ATAD1: variants seen among roughly 807,000 people sequenced by gnomAD.
ATAD1 encodes outer mitochondrial transmembrane helix translocase.
ATAD1 carries 18 observed loss-of-function variants against 42.7 expected under a neutral mutation model. That is an observed-to-expected ratio of 0.42 (90% confidence interval 0.29 to 0.63). ATAD1 has a LOEUF of 0.63. ATAD1 is among the 20% of genes least tolerant of loss of function. The pLI is 0.19. For synonymous variants in ATAD1, 132 were observed against 143.1 expected (o/e 0.92, Z 0.55); for missense variants, 294 against 440.4 (o/e 0.67, Z 2.98).
intron 5 of ATAD1, among the ~76,000 whole-genome samples, chr10:87,784,143 T>G (rs1052248809): frequency 6.6e-6 from 1 of 152,080 alleles, no homozygotes; most frequent in African/African-American, 2.4e-5. Context: ...CCTAGTGAGG[T>G]TGAAGATAGA....
At chr10:87,791,619 T>C (rs1037918672) in intron 3 of ATAD1, among the ~76,000 whole-genome samples, 8 of 152,230 alleles carry the variant, frequency 5.3e-5, no homozygotes, top group African/African-American at 9.6e-5. Context: ...TGTCTCTGTA[T>C]ACACAGATAT....
intron 1 of ATAD1, among the ~76,000 whole-genome samples, chr10:87,817,064 A>C (rs887443231): frequency 6.6e-6 from 1 of 152,206 alleles, no homozygotes; most frequent in Non-Finnish European, 1.5e-5. Flanking sequence ...TTTTAATGTA[A>C]TAAAGACTTA....
Position 87,754,823 on chromosome 10 carries a change from A to T in ATAD1, c.966-16T>A, listed in dbSNP as rs1564735655. On this transcript the variant is annotated splice_polypyrimidine_tract_variant and intron_variant, in intron 9 of 9. Coordinates refer to ENST00000680024, the MANE Select transcript of ATAD1 (RefSeq NM_001321967.2). The stretch of plus-strand genomic sequence containing the variant: ...TTCGTCATGGCTAAAATGCAAACAA[A>T]ACCATCAAATACTCAAATAACTTTA... 1 of 1,608,456 alleles carries T rather than the reference A, an allele frequency of 6.2e-7. No homozygotes were observed. Among genetic ancestry groups the T allele is most frequent in the Admixed American group, 1.7e-5 (1 of 59,578 alleles).
chr10:87,772,111 TTA>T (rs1191837867), intron 6 of ATAD1, among the ~76,000 whole-genome samples: 1 of 152,220 alleles, frequency 6.6e-6, no homozygotes, highest in Non-Finnish European at 1.5e-5. Flanking sequence ...TTGAAAAATG[TTA>T]GTTCCACAAC....
At position 87,752,218 on chromosome 10, in the gene ATAD1, C is replaced by T. The variant is rs147342480; in HGVS notation, c.*2469G>A. The T allele has an allele frequency of 2.0e-5, 3 of 152,244 alleles. No individual in the cohort carries two copies. The highest frequency in any genetic ancestry group is 4.8e-5 in the African/African-American group (2 of 41,542). The allele number at this position is 152,244 out of a possible 1,614,324, so 9.4% of individuals were successfully genotyped here. On this transcript the variant is annotated 3_prime_UTR_variant, in exon 10 of 10. Coordinates refer to ENST00000680024, the MANE Select transcript of ATAD1 (RefSeq NM_001321967.2). ...AAAGGCCTGAGAATAGCTTGAGACA[C>T]ATCAGACTTATCAAAAGTCTTCCAG...
chr10:87,792,535 A>G, intron 3 of ATAD1, 122 bp downstream of exon 3: 1 of 681,932 alleles, frequency 1.5e-6, no homozygotes, highest in Non-Finnish European at 2.5e-6. Context: ...CTATATGCCG[A>G]GTCTTATGAT....
At chr10:87,757,406 G>C (rs1045193951) in intron 8 of ATAD1, among the ~76,000 whole-genome samples, 2 of 152,006 alleles carry the variant, frequency 1.3e-5, no homozygotes, top group African/African-American at 4.8e-5. Flanking sequence ...TTAAGTGACT[G>C]TCCTAGCCAC....
At chr10:87,811,667 G>A (rs1857191469) in intron 2 of ATAD1, among the ~76,000 whole-genome samples, 2 of 150,736 alleles carry the variant, frequency 1.3e-5, no homozygotes, top group Admixed American at 1.3e-4. Flanking sequence ...AATAATTTGG[G>A]AAAAGTTCTA....
rs1342599445 is a variant in ATAD1 at position 87,752,047 on chromosome 10, GA to G, written c.*2639del. On this transcript the variant is annotated 3_prime_UTR_variant, in exon 10 of 10. Transcript: ENST00000680024. The stretch of plus-strand genomic sequence containing the variant: ...CTACTAAATAATGTTAAGCTATTAT[GA>G]TGCATACAGAATAGAGTACCCCAAC... The G allele has an allele frequency of 2.0e-5, 3 of 152,098 alleles. No homozygotes were observed. Among genetic ancestry groups the G allele is most frequent in the Admixed American group, 1.3e-4 (2 of 15,254 alleles). 9.4% of individuals were successfully genotyped at this position (152,098 alleles called of 1,614,324 possible).
intron 2 of ATAD1, 77 bp downstream of exon 2, chr10:87,814,361 C>T (rs1412528983): frequency 1.1e-5 from 15 of 1,378,410 alleles, no homozygotes; most frequent in Non-Finnish European, 1.4e-5. Context: ...AATTTGTGAA[C>T]TCTACCAAAT....
chr10:87,818,890 T>G (rs985618511), upstream of ATAD1: 1 of 152,266 alleles, frequency 6.6e-6, no homozygotes, highest in Non-Finnish European at 1.5e-5. Context: ...TTTCACCCCT[T>G]TTCCTTTCCA....
intron 2 of ATAD1, among the ~76,000 whole-genome samples, chr10:87,802,940 C>A (rs1340562968): frequency 6.6e-6 from 1 of 151,984 alleles, no homozygotes; most frequent in African/African-American, 2.4e-5. Flanking sequence ...TTTTTTCCCC[C>A]ATTTTTCCTA....
At chr10:87,817,650 G>A (rs1425467185) in intron 1 of ATAD1, 1 of 886,368 alleles carries the variant, frequency 1.1e-6, no homozygotes, top group Non-Finnish European at 1.4e-6. Context: ...TACGAATACA[G>A]CCTATGACAA....
chr10:87,804,615 C>T (rs921588135), intron 2 of ATAD1, among the ~76,000 whole-genome samples: 12 of 152,168 alleles, frequency 7.9e-5, no homozygotes, highest in African/African-American at 1.9e-4. Flanking sequence ...GGTGATCCAC[C>T]TGCCTCAGCT....
chr10:87,832,581 A>G (rs1857852663), intron 1 of ATAD1, among the ~76,000 whole-genome samples: 1 of 151,756 alleles, frequency 6.6e-6, no homozygotes, highest in Non-Finnish European at 1.5e-5. Flanking sequence ...TTCTTTTTCA[A>G]ACTTATTTTG....
In ATAD1 at chr10:87,753,148, AAAT is replaced by A. The variant is rs1381238222; in HGVS notation, c.*1536_*1538del. ...GGGACCCCTTTATTACACATTTATA[AAAT>A]AATAGAATATAGTTATTAAAAATGG... On this transcript the variant is annotated 3_prime_UTR_variant, in exon 10 of 10. Coordinates refer to ENST00000680024, the MANE Select transcript of ATAD1 (RefSeq NM_001321967.2). The A allele has an allele frequency of 2.0e-5, 3 of 152,128 alleles. No homozygotes were observed. Among genetic ancestry groups the A allele is most frequent in the Non-Finnish European group, 4.4e-5 (3 of 67,976 alleles). The allele number at this position is 152,128 out of a possible 1,614,324, so 9.4% of individuals were successfully genotyped here. A position where few individuals can be genotyped will look rare whatever the true frequency, so the allele number is the denominator to read the frequency against.
intron 6 of ATAD1, among the ~76,000 whole-genome samples, chr10:87,774,386 G>A (rs1411854202): frequency 2.6e-5 from 4 of 152,026 alleles, no homozygotes; most frequent in Admixed American, 2.0e-4. Context: ...TATAAAATTT[G>A]GCCAAGGCTA....
intron 4 of ATAD1, among the ~76,000 whole-genome samples, chr10:87,786,369 G>A (rs1855834511): frequency 6.6e-6 from 1 of 152,198 alleles, no homozygotes; most frequent in Admixed American, 6.5e-5. Flanking sequence ...ATTTTAGAGT[G>A]TTGTGTTTGA....
chr10:87,820,608 A>G (rs1857613947), upstream of ATAD1, among the ~76,000 whole-genome samples: 1 of 152,182 alleles, frequency 6.6e-6, no homozygotes, highest in Admixed American at 6.5e-5. Context: ...TTGCACAGGA[A>G]GGGAAACTGT....
Sources: allele counts gnomAD v4.1 joint callset (sites outside exome capture counted in the v4.1 genomes callset), GRCh38; gene constraint gnomAD v4.1.1; transcripts MANE v1.5; gene names NCBI Gene and HGNC (gene_info 2026-07-23, HGNC 2026-07-21).